The following CACNB4 variants were observed in gnomAD, a reference collection of about 807,000 sequenced individuals.
CACNB4 encodes the protein voltage-dependent L-type calcium channel subunit beta-4.
In CACNB4, 32 loss-of-function variants were observed where a neutral mutation model predicts 71.2. The observed-to-expected ratio is 0.45, with a 90% CI of 0.34 to 0.60. The LOEUF (loss-of-function observed/expected upper bound fraction) is 0.60, where lower values mean the gene tolerates loss of function less well. Ranked by LOEUF, CACNB4 falls within the 20% of genes least tolerant of loss-of-function variation. The pLI is 0.01. For missense variants in CACNB4, 464 were observed against 647.9 expected, an observed-to-expected ratio of 0.72 and a Z score of 3.08; for synonymous variants, 231 against 236.9, an observed-to-expected ratio of 0.97 and a Z score of 0.23.
intron 2 of CACNB4, among the ~76,000 whole-genome samples, chr2:151,998,315 C>CAAAAAAAAAAAAA (rs70974815): frequency 2.7e-5 from 3 of 110,700 alleles, no homozygotes; most frequent in African/African-American, 8.0e-5. Context: ...ACTCCATCTC[C>CAAAAAAAAAAAAA]AAAAAAAAAA....
intron 2 of CACNB4, among the ~76,000 whole-genome samples, chr2:152,010,281 T>G (rs750921163): frequency 4.6e-5 from 7 of 152,218 alleles, no homozygotes; most frequent in Non-Finnish European, 1.0e-4. Flanking sequence ...CAGCTAGCAT[T>G]TCTTCTTTGT....
Position 152,098,665 on chromosome 2 carries a change from G to A in CACNB4, c.64-252C>T. ...CCACATCCATTAACAAAGACTCTCA[G>A]GGTGCGGGGTCCGAGTCCCCGGCAT... On this transcript the variant is annotated intron_variant, in intron 1 of 13. Transcript: ENST00000539935. This position sits in a 1 kb window ranked among gnomAD's most constrained non-coding sequence, Gnocchi z 5.3. 1 of 1,569,076 alleles carries A rather than the reference G, an allele frequency of 6.4e-7. No homozygotes were observed. The highest frequency in any genetic ancestry group is 8.6e-7 in the Non-Finnish European group (1 of 1,157,190).
At chr2:152,083,433 C>G (rs183219617) in intron 2 of CACNB4, among the ~76,000 whole-genome samples, 124 of 152,242 alleles carry the variant, frequency 8.1e-4, no homozygotes, top group Non-Finnish European at 1.4e-3. Context: ...TCTGCTGGAA[C>G]TATTGTAAGG....
chr2:151,989,275 C>G (rs1023306277), intron 2 of CACNB4, among the ~76,000 whole-genome samples: 3 of 152,228 alleles, frequency 2.0e-5, no homozygotes, highest in Non-Finnish European at 4.4e-5. Context: ...TATCAACTTA[C>G]TTCTATCTGT....
chr2:152,086,214 G>A lies in CACNB4; in HGVS notation c.147+12116C>T, dbSNP rs185303166. 2.3e-3 allele frequency among the ~76,000 whole-genome samples: 355 copies of A among 152,252 alleles called. 2 individuals carry two copies. Among genetic ancestry groups the A allele is most frequent in the African/African-American group, 8.2e-3 (340 of 41,542 alleles). ...ATATAGTTTAATTTTCATTTTGCAT[G>A]AGCAAGAGAAATATGTATATTGTAA... On this transcript the variant is annotated intron_variant, in intron 2 of 13. Transcript: ENST00000539935.
At chr2:152,014,379 A>G (rs1184560941) in intron 2 of CACNB4, among the ~76,000 whole-genome samples, 1 of 151,846 alleles carries the variant, frequency 6.6e-6, no homozygotes, top group Non-Finnish European at 1.5e-5. Context: ...TTCTTGGTCC[A>G]GTACAGGCCT....
intron 2 of CACNB4, among the ~76,000 whole-genome samples, chr2:152,034,101 A>G (rs1282032087): frequency 6.6e-6 from 1 of 152,212 alleles, no homozygotes; most frequent in Non-Finnish European, 1.5e-5. Context: ...AGCACTTCCA[A>G]ATAAAACCTG....
At chr2:151,970,483 A>G (rs2099872220) in intron 2 of CACNB4, 2 of 152,222 alleles carry the variant, frequency 1.3e-5, no homozygotes, top group Non-Finnish European at 2.9e-5. Flanking sequence ...ATCAAAATAC[A>G]CAATGAATCC....
At chr2:151,976,807 G>A (rs528871071) in intron 2 of CACNB4, among the ~76,000 whole-genome samples, 2 of 152,298 alleles carry the variant, frequency 1.3e-5, no homozygotes, top group South Asian at 4.1e-4. Context: ...GAGAAGTAGT[G>A]AGACGTCCCT....
chr2:151,861,771 G>A (rs2099841700), intron 9 of CACNB4: 1 of 147,044 alleles, frequency 6.8e-6, no homozygotes, highest in Non-Finnish European at 1.5e-5. Flanking sequence ...TGAGCCCAGG[G>A]GGCAGAGGCC....
At chr2:151,872,279 AGAAAT>A (rs772906811) in intron 6 of CACNB4, 133 bp downstream of exon 6, 114 of 619,674 alleles carry the variant, frequency 1.8e-4, no homozygotes, top group Admixed American at 3.6e-4. Flanking sequence ...AAAACAAATG[AGAAAT>A]GAAATATTAA....
rs1192357144 is a variant in CACNB4, at chr2:151,870,517, G to T, written c.699+14C>A. Reference sequence around the variant, plus strand: ...CTCGATCAAGAACTGAAGAGTAACAGATGATATTTGTACCTCGTAACCTTT... The same window carrying T: ...CTCGATCAAGAACTGAAGAGTAACATATGATATTTGTACCTCGTAACCTTT... On this transcript the variant is annotated intron_variant, in intron 8 of 13. Transcript: ENST00000539935. 2 of 1,603,076 alleles carry T rather than the reference G, an allele frequency of 1.2e-6. No homozygotes were observed. Among genetic ancestry groups the T allele is most frequent in the South Asian group, 2.2e-5 (2 of 90,668 alleles).
intron 11 of CACNB4, among the ~76,000 whole-genome samples, chr2:151,854,684 C>T (rs2099839828): frequency 6.6e-6 from 1 of 152,120 alleles, no homozygotes; most frequent in African/African-American, 2.4e-5. Flanking sequence ...CATAAAGATA[C>T]AAAGCAAATT....
chr2:151,993,429 T>A (rs1681832646), intron 2 of CACNB4, among the ~76,000 whole-genome samples: 1 of 151,936 alleles, frequency 6.6e-6, no homozygotes, highest in Non-Finnish European at 1.5e-5. Flanking sequence ...AAAGCAAGGA[T>A]GAAACACACA....
chr2:151,981,947 A>C (rs1289904218), intron 2 of CACNB4, among the ~76,000 whole-genome samples: 1 of 152,156 alleles, frequency 6.6e-6, no homozygotes, highest in Non-Finnish European at 1.5e-5. Flanking sequence ...CCCTCCTGCA[A>C]GCAGATCTAA....
chr2:151,973,284 GT>G (rs1400649189), intron 2 of CACNB4: 2 of 182,562 alleles, frequency 1.1e-5, no homozygotes, highest in African/African-American at 4.7e-5. Context: ...CAAACAATGT[GT>G]ATTATATAAT....
intron 2 of CACNB4, among the ~76,000 whole-genome samples, chr2:152,012,471 G>A (rs956165436): frequency 2.0e-5 from 3 of 152,046 alleles, no homozygotes; most frequent in South Asian, 2.1e-4. Context: ...GGGCGTGGCG[G>A]CGGGCACCTG....
chr2:151,965,282 G>A (rs1444233371), intron 2 of CACNB4, among the ~76,000 whole-genome samples: 1 of 152,218 alleles, frequency 6.6e-6, no homozygotes, highest in Non-Finnish European at 1.5e-5. Context: ...TTAAAGGGAT[G>A]TTTGAGAGAT....
chr2:151,946,351 A>G (rs947906367), intron 2 of CACNB4, among the ~76,000 whole-genome samples: 3 of 151,326 alleles, frequency 2.0e-5, no homozygotes, highest in Admixed American at 6.6e-5. Context: ...AAGGCTCCCA[A>G]TGAGGCTTCA....
Sources: allele counts gnomAD v4.1 joint callset (sites outside exome capture counted in the v4.1 genomes callset), GRCh38; gene constraint gnomAD v4.1.1; non-coding constraint Gnocchi (gnomAD v3.1); transcripts MANE v1.5; gene names NCBI Gene and HGNC (gene_info 2026-07-23, HGNC 2026-07-21).